The following KDM3A variants were observed in gnomAD, a reference collection of about 807,000 sequenced individuals.
The protein encoded by KDM3A is lysine-specific demethylase 3A.
A neutral mutation model predicts 158.0 loss-of-function variants in KDM3A; 60 were observed. The ratio of observed to expected loss-of-function variants is 0.38; its 90% CI spans 0.31 to 0.47. KDM3A has a LOEUF of 0.47. Ranked by LOEUF, KDM3A falls within the 20% of genes least tolerant of loss-of-function variation. KDM3A has a pLI of 0.99. For missense variants in KDM3A, 1,319 were observed against 1,574.3 expected, an observed-to-expected ratio of 0.84 and a Z score of 2.74; for synonymous variants, 608 against 549.3, an observed-to-expected ratio of 1.11 and a Z score of -1.49.
chr2:86,460,019 G>C (rs1020508135), intron 8 of KDM3A, among the ~76,000 whole-genome samples: 2 of 152,126 alleles, frequency 1.3e-5, no homozygotes, highest in Non-Finnish European at 2.9e-5. Flanking sequence ...AGAAGTTCTT[G>C]AAAATATTTT....
intron 16 of KDM3A, among the ~76,000 whole-genome samples, chr2:86,481,333 C>T (rs920587215): frequency 3.3e-5 from 5 of 152,078 alleles, no homozygotes; most frequent in African/African-American, 1.2e-4. Context: ...TGCAACACTG[C>T]ACTCTGCCTC....
chr2:86,461,538 C>T (rs942199309), intron 8 of KDM3A, among the ~76,000 whole-genome samples: 1 of 152,154 alleles, frequency 6.6e-6, no homozygotes, highest in African/African-American at 2.4e-5. Context: ...ACAGTGGGCG[C>T]AACAGCAGGG....
Position 86,452,608 on chromosome 2 carries a change from T to C in KDM3A, c.453+1395T>C, listed in dbSNP as rs141388434. On this transcript the variant is annotated intron_variant, in intron 4 of 25. Coordinates refer to ENST00000312912, the MANE Select transcript of KDM3A (RefSeq NM_018433.6). ...AATAATATTCATCTTTTAGATATCA[T>C]TTATAAAGCTGAATAATCTTCTTTA... Among the ~76,000 whole-genome samples the C allele has an allele frequency of 8.7e-4, 133 of 152,302 alleles. 1 individual carries two copies. In the East Asian group the frequency reaches 9.3e-3, roughly 11 times the overall value.
At chr2:86,455,039 C>A in intron 4 of KDM3A, 46 bp from the exon 5 acceptor site, 1 of 1,126,722 alleles carries the variant, frequency 8.9e-7, no homozygotes, top group Non-Finnish European at 1.3e-6. Context: ...AATAACTCTT[C>A]TTATTAACTG....
intron 4 of KDM3A, among the ~76,000 whole-genome samples, chr2:86,453,256 T>G (rs1177634216): frequency 6.6e-6 from 1 of 152,168 alleles, no homozygotes; most frequent in East Asian, 1.9e-4. Context: ...TAATGTGTGG[T>G]CTTGACTTTT....
rs1315857595 is a variant in KDM3A at position 86,464,149 on chromosome 2, C to A, written c.940C>A (p.Pro314Thr). ...TGCGGCAACTCCACCTAGTAAGGACCCAAGACAGCAAAGTACTCCCCAGGC... is the reference window on the plus strand; with the variant it reads ...TGCGGCAACTCCACCTAGTAAGGACACAAGACAGCAAAGTACTCCCCAGGC... ...CTAATPPSKD[P>T]RQQSTPQAAN... The change falls in exon 9 of 26, where the codon CCA becomes ACA. Residue 314 changes from proline (P) to threonine (T), a missense_variant. Coordinates refer to ENST00000312912, the MANE Select transcript of KDM3A (RefSeq NM_018433.6). The A allele has an allele frequency of 6.2e-7, 1 of 1,612,552 alleles. No individual in the cohort carries two copies. Among genetic ancestry groups the A allele is most frequent in the Non-Finnish European group, 8.5e-7 (1 of 1,179,118 alleles).
chr2:86,449,236 T>G (rs1230406479), intron 2 of KDM3A, among the ~76,000 whole-genome samples: 1 of 152,216 alleles, frequency 6.6e-6, no homozygotes, highest in African/African-American at 2.4e-5. Context: ...ATCCAACAAG[T>G]AGTTTAAGAC....
At chr2:86,482,967 C>T (rs893368453) in intron 18 of KDM3A, 1 of 422,568 alleles carries the variant, frequency 2.4e-6, no homozygotes, top group African/African-American at 2.0e-5. Context: ...TTGGTGATTC[C>T]TATGGTAAAC....
At chr2:86,484,838 A>T (rs892091890) in intron 19 of KDM3A, 104 bp from the exon 20 acceptor site, 1 of 622,570 alleles carries the variant, frequency 1.6e-6, no homozygotes. Context: ...TTTTGCAGAG[A>T]CATATTTTAT....
Position 86,477,909 on chromosome 2 carries a change from G to A in KDM3A, c.1972G>A (p.Val658Ile). 3 of 1,613,464 alleles carry A rather than the reference G, an allele frequency of 1.9e-6. No individual in the cohort carries two copies. Among genetic ancestry groups the A allele is most frequent in the Non-Finnish European group, 2.5e-6 (3 of 1,179,686 alleles). Reference protein sequence around the residue: ...QVAWKRAVKGVREMCDVCDTT... With the variant: ...QVAWKRAVKGIREMCDVCDTT... ...TGCTTGGAAGCGAGCTGTCAAAGGT[G>A]TTCGAGAAATGTGTGATGTGTGCGA... Residue 658 changes from valine (V) to isoleucine (I), a missense_variant, in exon 13 of 26, where the codon GTT becomes ATT. This residue lies in a region of KDM3A where 113 missense variants were observed against 190.5 expected (regional missense o/e 0.59). Transcript: ENST00000312912.
chr2:86,456,606 A>G, intron 6 of KDM3A, 40 bp downstream of exon 6: 1 of 1,573,224 alleles, frequency 6.4e-7, no homozygotes. Flanking sequence ...AACTCGACAA[A>G]GCATGATAAC....
Position 86,478,044 on chromosome 2 carries a change from GA to G in KDM3A, c.2092+16del. 1 of 1,613,998 alleles carries G rather than the reference GA, an allele frequency of 6.2e-7. No individual in the cohort carries two copies. Among genetic ancestry groups the G allele is most frequent in the Non-Finnish European group, 8.5e-7 (1 of 1,179,964 alleles). On this transcript the variant is annotated intron_variant, in intron 13 of 25. Transcript: ENST00000312912. ...TTGCCAACAGGGTGAGAACCGATTT[GA>G]TTCTCCTCCAGCCCCTCTACACAGT...
intron 2 of KDM3A, chr2:86,443,249 T>C (rs1682815223): frequency 6.6e-6 from 1 of 152,258 alleles, no homozygotes; most frequent in Non-Finnish European, 1.5e-5. Flanking sequence ...TGCTTTTTCT[T>C]AAACTATGTT....
At chr2:86,470,102 T>C in intron 10 of KDM3A, 102 bp from the exon 11 acceptor site, 1 of 891,078 alleles carries the variant, frequency 1.1e-6, no homozygotes, top group South Asian at 1.6e-5. Context: ...AGAAGGGAGT[T>C]CTCTTTAAGG....
chr2:86,467,378 A>T (rs1673200042), intron 10 of KDM3A: 2 of 152,784 alleles, frequency 1.3e-5, no homozygotes, highest in African/African-American at 4.8e-5. Context: ...GGTAGCTAAG[A>T]TTTGAAATTT....
Position 86,491,070 on chromosome 2 carries a change from ACTTTTT to A in KDM3A, c.3750+18_3750+23del, listed in dbSNP as rs774869920. On this transcript the variant is annotated intron_variant, in intron 24 of 25. Transcript: ENST00000312912. ...AGCTCCACATCAGGCAAGAATCATT[ACTTTTT>A]CTTTAATCTCTTTATGTCATGAACT... The A allele has an allele frequency of 1.9e-5, 30 of 1,613,038 alleles. No individual in the cohort carries two copies. The Admixed American group carries it at 3.2e-4, about 17-fold the overall frequency.
At chr2:86,478,829 G>A in intron 15 of KDM3A, 94 bp downstream of exon 15, 4 of 1,171,192 alleles carry the variant, frequency 3.4e-6, no homozygotes, top group Non-Finnish European at 3.7e-6. Context: ...GCATTTGAAA[G>A]GAACCTGGGG....
chr2:86,470,447 A>C (rs1477141171), intron 11 of KDM3A, 39 bp downstream of exon 11: 49 of 1,545,702 alleles, frequency 3.2e-5, no homozygotes, highest in Non-Finnish European at 4.3e-5. Context: ...ATCTGGGCAT[A>C]CTTGTTATGC....
At chr2:86,440,238 A>C (rs1418079566), upstream of KDM3A, among the ~76,000 whole-genome samples, 1 of 152,210 alleles carries the variant, frequency 6.6e-6, no homozygotes, top group African/African-American at 2.4e-5. Flanking sequence ...TGTATATTGA[A>C]AATCAACATC....
Sources: allele counts gnomAD v4.1 joint callset (sites outside exome capture counted in the v4.1 genomes callset), GRCh38; gene constraint gnomAD v4.1.1; regional missense constraint gnomAD v4.1.1; transcripts MANE v1.5; gene names NCBI Gene and HGNC (gene_info 2026-07-23, HGNC 2026-07-21).